Variants in MC2R observed in about 807,000 individuals in gnomAD.
The protein encoded by MC2R is adrenocorticotropic hormone receptor.
A neutral mutation model predicts 9.8 loss-of-function variants in MC2R; 9 were observed. The observed-to-expected ratio is 0.92, with a 90% CI of 0.55 to 1.60. MC2R has a LOEUF of 1.60. Ranked by LOEUF, MC2R falls within the 40% of genes most tolerant of loss-of-function variation. The pLI, the probability that MC2R is intolerant of heterozygous loss-of-function variation, is 0.00. For missense variants in MC2R, 370 were observed against 389.0 expected, an observed-to-expected ratio of 0.95 and a Z score of 0.41; for synonymous variants, 185 against 154.7, an observed-to-expected ratio of 1.20 and a Z score of -1.45.
intron 1 of MC2R, among the ~76,000 whole-genome samples, chr18:13,903,097 AACATC>A (rs2045390374): frequency 6.6e-6 from 1 of 152,238 alleles, no homozygotes; most frequent in Non-Finnish European, 1.5e-5. Context: ...AAAGGTGCTC[AACATC>A]ATTGATCATT....
chr18:13,885,961 G>A (rs2045273843), intron 1 of MC2R, among the ~76,000 whole-genome samples: 1 of 152,014 alleles, frequency 6.6e-6, no homozygotes, highest in Admixed American at 6.6e-5. Flanking sequence ...CATTATCAAA[G>A]TGAAATAACT....
In MC2R at chr18:13,897,341, G is replaced by A. The variant is rs541875695; in HGVS notation, c.-128-11695C>T. 1.2e-4 allele frequency among the ~76,000 whole-genome samples: 18 copies of A among 152,230 alleles called. 1 individual carries two copies. In the South Asian group the frequency reaches 2.3e-3, roughly 19 times the overall value. On this transcript the variant is annotated intron_variant, in intron 1 of 1. Transcript: ENST00000327606. ...AGACCAGCCCTAGCCAGGGGGAATC[G>A]CTGACCCCAATGGTCGGAACTTGAG...
intron 1 of MC2R, among the ~76,000 whole-genome samples, chr18:13,887,280 AG>A (rs1251547611): frequency 3.1e-4 from 28 of 89,684 alleles, no homozygotes; most frequent in African/African-American, 1.1e-3. Context: ...CAGGGATGGG[AG>A]GGGGCCTGTG....
At chr18:13,906,267 G>A (rs186496175) in intron 1 of MC2R, among the ~76,000 whole-genome samples, 596 of 152,254 alleles carry the variant, frequency 3.9e-3, no homozygotes, top group Non-Finnish European at 7.0e-3. Context: ...GAATCAGATC[G>A]TGTCCTTTGC....
chr18:13,914,978 C>T (rs550876779), intron 1 of MC2R, among the ~76,000 whole-genome samples: 6 of 152,204 alleles, frequency 3.9e-5, no homozygotes, highest in Non-Finnish European at 7.3e-5. Flanking sequence ...AGAAAGTGTG[C>T]GTGCATCTCC....
chr18:13,907,230 C>T (rs769868168), intron 1 of MC2R, among the ~76,000 whole-genome samples: 7 of 152,048 alleles, frequency 4.6e-5, no homozygotes, highest in Non-Finnish European at 7.4e-5. Flanking sequence ...CATTTGCAGT[C>T]GACTCACCTT....
chr18:13,897,163 C>T (rs1363143828), intron 1 of MC2R, among the ~76,000 whole-genome samples: 3 of 152,188 alleles, frequency 2.0e-5, no homozygotes, highest in Non-Finnish European at 4.4e-5. Flanking sequence ...CCCCCCAAAC[C>T]CCCCAGTGGT....
At position 13,882,438 on chromosome 18, in the gene MC2R, G is replaced by C. The variant is rs537923395; in HGVS notation, c.*2187C>G. ...GAATTAGCACTCAGACTTCATTTTT[G>C]TTTCATCCACCATTAGACTAGCCAT... On this transcript the variant is annotated 3_prime_UTR_variant, in exon 2 of 2. Coordinates refer to ENST00000327606, the MANE Select transcript of MC2R (RefSeq NM_000529.2). 6 of 152,188 alleles carry C rather than the reference G, an allele frequency of 3.9e-5. No homozygotes were observed. The highest frequency in any genetic ancestry group is 6.5e-5 in the Admixed American group (1 of 15,280). 9.4% of individuals were successfully genotyped at this position (152,188 alleles called of 1,614,324 possible).
In MC2R at chr18:13,901,978, C is replaced by A. The variant is rs181039398; in HGVS notation, c.-129+13510G>T. On this transcript the variant is annotated intron_variant, in intron 1 of 1. Coordinates refer to ENST00000327606, the MANE Select transcript of MC2R (RefSeq NM_000529.2). ...CTCTGACGAAGAAATCCATCCCCCCCACCGACTGCCCCACTGCCAAATACT... is the reference window on the plus strand; with the variant it reads ...CTCTGACGAAGAAATCCATCCCCCCAACCGACTGCCCCACTGCCAAATACT... Among the ~76,000 whole-genome samples the A allele has an allele frequency of 3.8e-3, 583 of 152,124 alleles. 4 individuals are homozygous for A. Among genetic ancestry groups the A allele is most frequent in the Non-Finnish European group, 6.2e-3 (422 of 67,904 alleles).
chr18:13,904,380 CA>C (rs56308792), intron 1 of MC2R, among the ~76,000 whole-genome samples: 35,851 of 94,960 alleles, frequency 0.38, 5,194 homozygotes, highest in Middle Eastern at 0.55. Flanking sequence ...GACCCCGTCT[CA>C]AAAAAAAAAA....
At chr18:13,894,419 G>A (rs2045334850) in intron 1 of MC2R, among the ~76,000 whole-genome samples, 1 of 152,122 alleles carries the variant, frequency 6.6e-6, no homozygotes, top group Admixed American at 6.5e-5. Flanking sequence ...CATCAAAGAG[G>A]TAGACCTCCC....
chr18:13,890,078 T>C (rs1459382463), intron 1 of MC2R, among the ~76,000 whole-genome samples: 2 of 152,218 alleles, frequency 1.3e-5, no homozygotes, highest in African/African-American at 4.8e-5. Flanking sequence ...TTAACAATCT[T>C]AAACCTCTGT....
At chr18:13,913,606 C>T (rs1350802766) in intron 1 of MC2R, among the ~76,000 whole-genome samples, 1 of 152,180 alleles carries the variant, frequency 6.6e-6, no homozygotes, top group Non-Finnish European at 1.5e-5. Flanking sequence ...TTTAGGACTC[C>T]ACCACACTTT....
At chr18:13,901,720 C>A (rs1164499639) in intron 1 of MC2R, among the ~76,000 whole-genome samples, 2 of 152,130 alleles carry the variant, frequency 1.3e-5, no homozygotes, top group Non-Finnish European at 2.9e-5. Flanking sequence ...TAACAAATAG[C>A]AAGATTGAAG....
At chr18:13,895,044 G>A (rs1001700971) in intron 1 of MC2R, among the ~76,000 whole-genome samples, 2 of 152,186 alleles carry the variant, frequency 1.3e-5, no homozygotes, top group Non-Finnish European at 2.9e-5. Context: ...TGAAAGGTTG[G>A]CAAATTTGAC....
At chr18:13,897,102 G>A (rs1401010625) in intron 1 of MC2R, among the ~76,000 whole-genome samples, 1 of 152,188 alleles carries the variant, frequency 6.6e-6, no homozygotes, top group Non-Finnish European at 1.5e-5. Context: ...TCATATTGCT[G>A]AAAGAAGCAC....
In MC2R at chr18:13,885,628, G is replaced by T; in HGVS notation, c.-110C>A. On this transcript the variant is annotated 5_prime_UTR_variant, in exon 2 of 2. Coordinates refer to ENST00000327606, the MANE Select transcript of MC2R (RefSeq NM_000529.2). ...CTTGTAGCACTTGCTGGAGATCTAA[G>T]TTAAAATCTCCCAATCACCTAAAAG... The T allele has an allele frequency of 8.0e-7, 1 of 1,244,614 alleles. No individual in the cohort carries two copies. Among genetic ancestry groups the T allele is most frequent in the South Asian group, 1.3e-5 (1 of 77,090 alleles). The allele number at this position is 1,244,614 out of a possible 1,614,324, so 77.1% of individuals were successfully genotyped here. A position where few individuals can be genotyped will look rare whatever the true frequency, so the allele number is the denominator to read the frequency against.
intron 1 of MC2R, among the ~76,000 whole-genome samples, chr18:13,904,409 A>G (rs1204348719): frequency 1.3e-5 from 2 of 151,552 alleles, no homozygotes; most frequent in African/African-American, 4.9e-5. Flanking sequence ...AGTCATAATA[A>G]AGGCCATATG....
intron 1 of MC2R, among the ~76,000 whole-genome samples, chr18:13,900,268 A>G (rs988358039): frequency 3.3e-5 from 5 of 152,126 alleles, no homozygotes; most frequent in Non-Finnish European, 7.4e-5. Context: ...TGGATACACA[A>G]AAAACCAAAA....
Sources: allele counts gnomAD v4.1 joint callset (sites outside exome capture counted in the v4.1 genomes callset), GRCh38; gene constraint gnomAD v4.1.1; transcripts MANE v1.5; gene names NCBI Gene and HGNC (gene_info 2026-07-23, HGNC 2026-07-21).